The following SYNE1 variants were observed in gnomAD, a reference collection of about 807,000 sequenced individuals.
The protein encoded by SYNE1 is spectrin repeat containing nuclear envelope protein 1.
In SYNE1, 616 loss-of-function variants were observed where a neutral mutation model predicts 1,111.0. The ratio of observed to expected loss-of-function variants is 0.55; its 90% CI spans 0.52 to 0.59. The LOEUF (loss-of-function observed/expected upper bound fraction) is 0.59. SYNE1 is among the 20% of genes least tolerant of loss of function. The pLI is 0.00. For synonymous variants in SYNE1, 3,855 were observed against 3,825.8 expected (o/e 1.01, Z -0.28); for missense variants, 10,006 against 10,417.0 (o/e 0.96, Z 1.72).
chr6:152,467,597 T>C (rs1266678990), intron 16 of SYNE1, among the ~76,000 whole-genome samples: 40 of 152,254 alleles, frequency 2.6e-4, no homozygotes, highest in East Asian at 1.9e-4. Context: ...AATATGCTTT[T>C]CCTAGAGAAG....
At chr6:152,385,943 T>A in intron 54 of SYNE1, 105 bp from the exon 55 acceptor site, 6 of 1,021,942 alleles carry the variant, frequency 5.9e-6, no homozygotes, top group East Asian at 2.4e-5. Context: ...CTCAGAAAAT[T>A]TCATTCTTGT....
In SYNE1 at chr6:152,232,690, A is replaced by C. The variant is rs2083051353; in HGVS notation, c.20713-425T>G. 3.9e-5 allele frequency among the ~76,000 whole-genome samples: 6 copies of C among 152,350 alleles called. No individual in the cohort carries two copies. The South Asian group carries it at 1.2e-3, about 32-fold the overall frequency. On this transcript the variant is annotated intron_variant, in intron 112 of 145. Transcript: ENST00000367255. ...AAAGAAAAATACCACACTACAAGCT[A>C]TCATTTTCTAGAGTTTTTGGCACTC...
chr6:152,379,349 G>A (rs946134783), intron 56 of SYNE1, among the ~76,000 whole-genome samples: 10 of 151,828 alleles, frequency 6.6e-5, no homozygotes, highest in South Asian at 6.2e-4. Context: ...AATGAGTTTC[G>A]CAAACATAGT....
intron 109 of SYNE1, 68 bp from the exon 110 acceptor site, chr6:152,236,371 C>A: frequency 4.5e-6 from 5 of 1,122,050 alleles, no homozygotes; most frequent in Admixed American, 1.9e-5. Context: ...ATTATAATTT[C>A]TCTGGTACCT....
intron 100 of SYNE1, among the ~76,000 whole-genome samples, chr6:152,266,690 G>T (rs990040480): frequency 1.3e-5 from 2 of 152,104 alleles, no homozygotes; most frequent in Non-Finnish European, 2.9e-5. Context: ...AACTTTCACA[G>T]ATTTTTGTTT....
chr6:152,471,992 C>T (rs2098808317), intron 15 of SYNE1: 3 of 597,026 alleles, frequency 5.0e-6, no homozygotes, highest in South Asian at 2.0e-5. Flanking sequence ...ACACATCTCT[C>T]GTCTGTTTCT....
Position 152,267,989 on chromosome 6 carries a change from A to G in SYNE1, c.18815+67T>C, listed in dbSNP as rs1589071322. ...TGTTTAAAATAAAATTTTGAGTGAG[A>G]TGTTTACTTTTCTTCAAATGTCAGG... On this transcript the variant is annotated intron_variant, in intron 100 of 145. Transcript: ENST00000367255. 1.7e-5 allele frequency: 24 copies of G among 1,382,274 alleles called. No individual in the cohort carries two copies. In the East Asian group the frequency reaches 5.5e-4, roughly 32 times the overall value. 85.6% of individuals were successfully genotyped at this position (1,382,274 alleles called of 1,614,324 possible). A position where few individuals can be genotyped will look rare whatever the true frequency, so the allele number is the denominator to read the frequency against.
intron 130 of SYNE1, chr6:152,167,817 C>T (rs748849020): frequency 3.3e-6 from 2 of 612,170 alleles, no homozygotes; most frequent in Non-Finnish European, 6.4e-6. Flanking sequence ...GTCTCAGCCT[C>T]TCTACTCTAG....
intron 119 of SYNE1, among the ~76,000 whole-genome samples, chr6:152,220,534 A>G (rs1200686022): frequency 6.6e-6 from 1 of 152,162 alleles, no homozygotes; most frequent in Non-Finnish European, 1.5e-5. Flanking sequence ...TATTCCCCAT[A>G]TGGTCATGTC....
At chr6:152,588,826 G>T (rs2099548678) in intron 3 of SYNE1, among the ~76,000 whole-genome samples, 1 of 152,168 alleles carries the variant, frequency 6.6e-6, no homozygotes, top group Non-Finnish European at 1.5e-5. Flanking sequence ...GGCCCATCCA[G>T]GTGGGTCCCT....
rs750344088 is a variant in SYNE1, at chr6:152,242,420, C to T, written c.19713G>A (p.Met6571Ile). The change falls in exon 107 of 146, where the codon ATG becomes ATA. Residue 6571 changes from methionine (M) to isoleucine (I), a missense_variant. This residue lies in a region of SYNE1 where 2,182 missense variants were observed against 2,287.8 expected (regional missense o/e 0.95). Transcript: ENST00000367255. ...CACTCCTCCGGGAGCCAATGATCAT[C>T]ATCAGCTCATCATACATGTCCTAAG... is the stretch of plus-strand genomic sequence containing the variant. The part of the protein sequence containing the change: ...SKLQDMYDEL[M>I]MIIGSRRSGL... 1 of 1,614,054 alleles carries T rather than the reference C, an allele frequency of 6.2e-7. No individual in the cohort carries two copies. Among genetic ancestry groups the T allele is most frequent in the Non-Finnish European group, 8.5e-7 (1 of 1,179,994 alleles).
At chr6:152,359,009 T>G (rs1265540983) in intron 65 of SYNE1, among the ~76,000 whole-genome samples, 2 of 152,204 alleles carry the variant, frequency 1.3e-5, no homozygotes, top group Non-Finnish European at 2.9e-5. Flanking sequence ...CTTAGAAAAC[T>G]CTCATCATCA....
chr6:152,155,862 T>C, intron 132 of SYNE1, 48 bp downstream of exon 132: 1 of 1,608,934 alleles, frequency 6.2e-7, no homozygotes, highest in Non-Finnish European at 8.5e-7. Flanking sequence ...ATTTTTATTT[T>C]CTTTTTGGTC....
chr6:152,251,474 G>C (rs2089218476), intron 104 of SYNE1, among the ~76,000 whole-genome samples: 1 of 152,020 alleles, frequency 6.6e-6, no homozygotes, highest in Non-Finnish European at 1.5e-5. Flanking sequence ...AAATAAAAAT[G>C]CAGGCCGGGC....
chr6:152,474,927 A>G (rs944365831), intron 14 of SYNE1, among the ~76,000 whole-genome samples: 2 of 152,206 alleles, frequency 1.3e-5, no homozygotes, highest in African/African-American at 4.8e-5. Context: ...AGAAAGTAGA[A>G]AAGAAGAAAA....
chr6:152,508,444 C>A lies in SYNE1; in HGVS notation c.581+1749G>T, dbSNP rs1403368183. The stretch of plus-strand genomic sequence containing the variant: ...CCAGACTCTTGCACATCTTTGAAAC[C>A]CAACATAGCATGCATGAAACTAAAT... On this transcript the variant is annotated intron_variant, in intron 8 of 145. Transcript: ENST00000367255. Among the ~76,000 whole-genome samples the A allele has an allele frequency of 2.6e-5, 4 of 152,184 alleles. No homozygotes were observed. The South Asian group carries it at 8.3e-4, about 31-fold the overall frequency.
chr6:152,529,550 T>G (rs1463164354), intron 4 of SYNE1, among the ~76,000 whole-genome samples: 1 of 152,160 alleles, frequency 6.6e-6, no homozygotes, highest in African/African-American at 2.4e-5. Flanking sequence ...CAAGAACACT[T>G]TCAGGCTTGA....
chr6:152,353,434 C>G lies in SYNE1; in HGVS notation c.11083-1G>C. ...CCTCCTCCAGGAATTTTATTTGTTC[C>G]TATGAAAGAAAAGAGAAAATTGAAT... On this transcript the variant is annotated splice_acceptor_variant, in intron 68 of 145. Transcript: ENST00000367255. LOFTEE classifies it high-confidence loss of function. 2 of 1,614,126 alleles carry G rather than the reference C, an allele frequency of 1.2e-6. No individual in the cohort carries two copies. The highest frequency in any genetic ancestry group is 1.7e-6 in the Non-Finnish European group (2 of 1,180,020).
At chr6:152,535,608 C>G (rs2099231115) in intron 4 of SYNE1, among the ~76,000 whole-genome samples, 1 of 152,022 alleles carries the variant, frequency 6.6e-6, no homozygotes, top group African/African-American at 2.4e-5. Context: ...AAGATTGAAT[C>G]AAGGGTGTTT....
Sources: allele counts gnomAD v4.1 joint callset (sites outside exome capture counted in the v4.1 genomes callset), GRCh38; gene constraint gnomAD v4.1.1; regional missense constraint gnomAD v4.1.1; transcripts MANE v1.5; gene names NCBI Gene and HGNC (gene_info 2026-07-23, HGNC 2026-07-21).